The following PTPN12 variants were observed in gnomAD, a reference collection of about 807,000 sequenced individuals.
PTPN12 encodes tyrosine-protein phosphatase non-receptor type 12.
PTPN12 carries 29 observed loss-of-function variants against 97.6 expected under a neutral mutation model. The ratio of observed to expected loss-of-function variants is 0.30; its 90% CI spans 0.22 to 0.41. PTPN12 has a LOEUF of 0.41. Among genes scored for constraint, PTPN12 ranks in the 10% least tolerant of loss-of-function variants. The pLI, the probability that PTPN12 is intolerant of heterozygous loss-of-function variation, is 1.00. For missense variants in PTPN12, 819 were observed against 926.0 expected (o/e 0.88, Z 1.50); for synonymous variants, 327 against 300.4 (o/e 1.09, Z -0.91).
rs571511747 is a variant in PTPN12 at position 77,589,435 on chromosome 7, A to G, written c.421-2750A>G. 2.0e-5 allele frequency among the ~76,000 whole-genome samples: 3 copies of G among 152,324 alleles called. No individual in the cohort carries two copies. The South Asian group carries it at 6.2e-4, about 32-fold the overall frequency. On this transcript the variant is annotated intron_variant, in intron 5 of 17. Transcript: ENST00000248594. ...TAAAACTTATAAAGTGTGGTCTTCT[A>G]TAAATATGGCATACAAATCAAACTT...
intron 3 of PTPN12, 98 bp downstream of exon 3, chr7:77,581,601 A>C (rs1311104487): frequency 1.8e-6 from 1 of 566,432 alleles, no homozygotes; most frequent in East Asian, 3.3e-5. Flanking sequence ...CATGATACCA[A>C]CAGCAAAAGA....
intron 2 of PTPN12, among the ~76,000 whole-genome samples, chr7:77,573,241 C>T (rs1015182692): frequency 6.6e-6 from 1 of 152,134 alleles, no homozygotes; most frequent in Non-Finnish European, 1.5e-5. Flanking sequence ...TTGTCTTAGT[C>T]TGTTCAGGCT....
chr7:77,572,269 T>G (rs1032147447), intron 2 of PTPN12, among the ~76,000 whole-genome samples: 3 of 152,114 alleles, frequency 2.0e-5, no homozygotes, highest in Admixed American at 2.0e-4. Flanking sequence ...ACCCAGCTAA[T>G]TTTTTGTATT....
rs139289279 is a variant in PTPN12 at position 77,625,468 on chromosome 7, G to GCTCTCT, written c.1026-1234_1026-1233insTCTCTC. Among the ~76,000 whole-genome samples, 99 of 24,738 alleles carry GCTCTCT rather than the reference G, an allele frequency of 4.0e-3. 6 individuals carry two copies. The highest frequency in any genetic ancestry group is 0.011 in the African/African-American group (45 of 4,052). 16.2% of individuals were successfully genotyped at this position (24,738 alleles called of 152,430 possible). A position where few individuals can be genotyped will look rare whatever the true frequency, so the allele number is the denominator to read the frequency against. On this transcript the variant is annotated intron_variant, in intron 12 of 17. Coordinates refer to ENST00000248594, the MANE Select transcript of PTPN12 (RefSeq NM_002835.4). ...AGGGTTTTGCCATATTGCCCAGGCT[G>GCTCTCT]CTCGCTCTCTCTCTCTCTCTCTCTC...
intron 2 of PTPN12, among the ~76,000 whole-genome samples, chr7:77,577,474 A>G (rs2151326390): frequency 6.6e-6 from 1 of 152,188 alleles, no homozygotes. Context: ...ATCATTGGCA[A>G]ACTTCTCATT....
At chr7:77,630,476 C>T (rs1789360752) in intron 13 of PTPN12, among the ~76,000 whole-genome samples, 1 of 152,186 alleles carries the variant, frequency 6.6e-6, no homozygotes, top group Non-Finnish European at 1.5e-5. Flanking sequence ...AATGTAACCT[C>T]TTGCTCCTAG....
At chr7:77,564,737 TGTTGTCG>T (rs1185519295) in intron 1 of PTPN12, among the ~76,000 whole-genome samples, 2 of 142,602 alleles carry the variant, frequency 1.4e-5, no homozygotes, top group Non-Finnish European at 3.0e-5. Flanking sequence ...TGTTGTTTTT[TGTTGTCG>T]TGTTTTTTTT....
rs749903256 is a variant in PTPN12 at position 77,633,924 on chromosome 7, G to A, written c.2074+1499G>A. Reference sequence around the variant, plus strand: ...TGTAATCCCAGCTGCTTGGGAGGCTGAGGCAGGAGAATTGCTTGAACCCAG... The same window carrying A: ...TGTAATCCCAGCTGCTTGGGAGGCTAAGGCAGGAGAATTGCTTGAACCCAG... On this transcript the variant is annotated intron_variant, in intron 14 of 17. Transcript: ENST00000248594. Among the ~76,000 whole-genome samples the A allele has an allele frequency of 4.2e-4, 64 of 152,194 alleles. 1 individual carries two copies. Among genetic ancestry groups the A allele is most frequent in the Non-Finnish European group, 2.6e-4 (18 of 68,000 alleles).
At chr7:77,566,662 T>C (rs1808273818) in intron 1 of PTPN12, among the ~76,000 whole-genome samples, 1 of 152,238 alleles carries the variant, frequency 6.6e-6, no homozygotes, top group East Asian at 1.9e-4. Flanking sequence ...AGTTTAAGAC[T>C]GCAGTGAGCT....
chr7:77,568,023 A>G (rs1447374423), intron 1 of PTPN12, among the ~76,000 whole-genome samples: 1 of 152,230 alleles, frequency 6.6e-6, no homozygotes, highest in Admixed American at 6.5e-5. Flanking sequence ...ATACCTTTTT[A>G]AAGTACAAAA....
chr7:77,588,984 T>C (rs1787781320), intron 5 of PTPN12, among the ~76,000 whole-genome samples: 1 of 152,148 alleles, frequency 6.6e-6, no homozygotes, highest in Non-Finnish European at 1.5e-5. Flanking sequence ...GTATATTTCC[T>C]GTCTCAGCCT....
At chr7:77,538,533 G>GC (rs537550701) in intron 1 of PTPN12, among the ~76,000 whole-genome samples, 145 of 151,670 alleles carry the variant, frequency 9.6e-4, no homozygotes, top group Middle Eastern at 6.8e-3. Context: ...CCTTCCCAGC[G>GC]CCCCCCCGCC....
chr7:77,617,842 G>A (rs1242806714), intron 11 of PTPN12, among the ~76,000 whole-genome samples: 1 of 152,148 alleles, frequency 6.6e-6, no homozygotes, highest in Non-Finnish European at 1.5e-5. Flanking sequence ...TGTTAATGAT[G>A]TTATTGGTCC....
chr7:77,632,809 T>G (rs1040559853), intron 14 of PTPN12, among the ~76,000 whole-genome samples: 1 of 151,084 alleles, frequency 6.6e-6, no homozygotes, highest in African/African-American at 2.4e-5. Flanking sequence ...ATATAAAAAT[T>G]AGCTGGGCAT....
intron 1 of PTPN12, among the ~76,000 whole-genome samples, chr7:77,546,664 C>T (rs997994963): frequency 6.6e-6 from 1 of 152,070 alleles, no homozygotes; most frequent in Non-Finnish European, 1.5e-5. Context: ...CTGTATTAGT[C>T]CATTTTCACA....
chr7:77,597,743 A>G, intron 6 of PTPN12, 99 bp from the exon 7 acceptor site: 2 of 1,380,726 alleles, frequency 1.4e-6, no homozygotes, highest in Non-Finnish European at 1.9e-6. Flanking sequence ...TTAAAGATTA[A>G]TTTTATATTG....
At chr7:77,599,374 C>T (rs553787091) in intron 7 of PTPN12, among the ~76,000 whole-genome samples, 2 of 146,294 alleles carry the variant, frequency 1.4e-5, no homozygotes, top group South Asian at 4.3e-4. Flanking sequence ...AGGCTGGACT[C>T]AAACTCCTGA....
chr7:77,537,983 G>GC lies in PTPN12; in HGVS notation c.99+338_99+339insC, dbSNP rs952887510. The GC allele has an allele frequency of 1.6e-4, 155 of 989,710 alleles. 1 individual carries two copies. Among genetic ancestry groups the GC allele is most frequent in the Non-Finnish European group, 1.8e-4 (146 of 816,412 alleles). 61.3% of individuals were successfully genotyped at this position (989,710 alleles called of 1,614,324 possible). ...TAGGCAAGTGAGGTGCAGGCCGGGGGGGGGGGCTCGCGTTTCCACACCTCC... is the reference window on the plus strand; with the variant it reads ...TAGGCAAGTGAGGTGCAGGCCGGGGGCGGGGGGCTCGCGTTTCCACACCTCC... On this transcript the variant is annotated intron_variant, in intron 1 of 17. Coordinates refer to ENST00000248594, the MANE Select transcript of PTPN12 (RefSeq NM_002835.4).
intron 6 of PTPN12, among the ~76,000 whole-genome samples, chr7:77,597,283 A>G (rs932876466): frequency 2.0e-5 from 3 of 152,012 alleles, no homozygotes; most frequent in East Asian, 1.9e-4. Flanking sequence ...GCCACCACAC[A>G]CAGCTAAGTT....
Sources: allele counts gnomAD v4.1 joint callset (sites outside exome capture counted in the v4.1 genomes callset), GRCh38; gene constraint gnomAD v4.1.1; transcripts MANE v1.5; gene names NCBI Gene and HGNC (gene_info 2026-07-23, HGNC 2026-07-21).